GULP1: variants seen among roughly 807,000 people sequenced by gnomAD.
GULP1 encodes the protein GULP PTB domain containing engulfment adaptor 1, also known as PTB domain-containing engulfment adapter protein 1.
Under a neutral mutation model 40.9 loss-of-function variants are expected in GULP1, and 19 were observed. That is an observed-to-expected ratio of 0.46 (90% CI 0.32 to 0.68). The LOEUF is 0.68. Ranked by LOEUF, GULP1 falls within the 30% of genes least tolerant of loss-of-function variation. The pLI is 0.03. For synonymous variants in GULP1, 119 were observed against 117.6 expected (o/e 1.01, Z -0.08); for missense variants, 312 against 362.2 (o/e 0.86, Z 1.12).
At chr2:188,364,928 G>GTATA (rs34653781) in intron 1 of GULP1, among the ~76,000 whole-genome samples, 100 of 148,486 alleles carry the variant, frequency 6.7e-4, no homozygotes, top group South Asian at 2.1e-3. Context: ...ATATATATGT[G>GTATA]TATATATATA....
At chr2:188,551,203 C>T (rs1050661238) in intron 7 of GULP1, among the ~76,000 whole-genome samples, 1 of 151,488 alleles carries the variant, frequency 6.6e-6, no homozygotes, top group Admixed American at 6.6e-5. Flanking sequence ...GAGGGCATCA[C>T]CTGAGTACAA....
intron 9 of GULP1, among the ~76,000 whole-genome samples, chr2:188,583,521 T>C (rs1701743431): frequency 6.6e-6 from 1 of 152,170 alleles, no homozygotes; most frequent in South Asian, 2.1e-4. Context: ...AAGTGATAAA[T>C]GTCTAATTTT....
intron 2 of GULP1, among the ~76,000 whole-genome samples, chr2:188,466,300 C>T (rs963044939): frequency 2.6e-5 from 4 of 151,566 alleles, no homozygotes; most frequent in African/African-American, 4.9e-5. Flanking sequence ...TTTCCCCCCC[C>T]GGAGTCTTGC....
At chr2:188,295,332 T>G (rs2034673294) in intron 1 of GULP1, among the ~76,000 whole-genome samples, 1 of 152,172 alleles carries the variant, frequency 6.6e-6, no homozygotes, top group Admixed American at 6.5e-5. Context: ...CAATGTTTGT[T>G]GCATGCATAT....
intron 2 of GULP1, among the ~76,000 whole-genome samples, chr2:188,400,923 TTGTGTGTGTGTGTGTG>T (rs61060931): frequency 1.6e-4 from 22 of 139,632 alleles, no homozygotes; most frequent in South Asian, 4.6e-4. Flanking sequence ...AGTGGTGTGT[TTGTGTGTGTGTGTGTG>T]TGTGTGTGTG....
At chr2:188,309,330 G>T (rs766375152) in intron 1 of GULP1, among the ~76,000 whole-genome samples, 1 of 152,062 alleles carries the variant, frequency 6.6e-6, no homozygotes, top group African/African-American at 2.4e-5. Context: ...GCCTGGCATG[G>T]GGATGTGCAC....
At chr2:188,341,294 G>A (rs958461731) in intron 1 of GULP1, among the ~76,000 whole-genome samples, 4 of 152,076 alleles carry the variant, frequency 2.6e-5, no homozygotes, top group African/African-American at 9.7e-5. Context: ...CAGAGAGGAT[G>A]GGAAGGTGCC....
At position 188,578,625 on chromosome 2, in the gene GULP1, T is replaced by A. The variant is rs975374063; in HGVS notation, c.610-5640T>A. Among the ~76,000 whole-genome samples, 21 of 152,130 alleles carry A rather than the reference T, an allele frequency of 1.4e-4. 1 individual carries two copies. Among genetic ancestry groups the A allele is most frequent in the Admixed American group, 5.2e-4 (8 of 15,258 alleles). The stretch of plus-strand genomic sequence containing the variant: ...TCATTATTAATATATCTGAATAACC[T>A]AACAACTTCTGTATAATTACCATAT... On this transcript the variant is annotated intron_variant, in intron 9 of 11. Coordinates refer to ENST00000409830, the MANE Select transcript of GULP1 (RefSeq NM_016315.4).
intron 2 of GULP1, among the ~76,000 whole-genome samples, chr2:188,389,846 C>A (rs530948924): frequency 6.6e-6 from 1 of 152,078 alleles, no homozygotes; most frequent in African/African-American, 2.4e-5. Flanking sequence ...ATACCCATAG[C>A]TTAGCCAAGC....
intron 1 of GULP1, among the ~76,000 whole-genome samples, chr2:188,315,727 C>T (rs1255465307): frequency 2.0e-5 from 3 of 151,850 alleles, no homozygotes; most frequent in Non-Finnish European, 2.9e-5. Flanking sequence ...CCTGTACATA[C>T]CAATCTATGA....
chr2:188,392,808 A>G (rs1233407407), intron 2 of GULP1, among the ~76,000 whole-genome samples: 1 of 152,038 alleles, frequency 6.6e-6, no homozygotes, highest in Admixed American at 6.6e-5. Flanking sequence ...CATTTCAAAG[A>G]TTTTTGAAAT....
chr2:188,476,736 G>A lies in GULP1; in HGVS notation c.-44-923G>A, dbSNP rs200703520. ...AATATTCTGTTGCTAGAGCAGCAAA[G>A]TTATTTCTGAGTGTTGTATCAGTAA... On this transcript the variant is annotated intron_variant, in intron 2 of 11. Coordinates refer to ENST00000409830, the MANE Select transcript of GULP1 (RefSeq NM_016315.4). Among the ~76,000 whole-genome samples the A allele has an allele frequency of 3.9e-5, 6 of 152,054 alleles. No individual in the cohort carries two copies. In the East Asian group the frequency reaches 1.2e-3, roughly 29 times the overall value.
chr2:188,430,050 A>T (rs1359413199), intron 2 of GULP1, among the ~76,000 whole-genome samples: 1 of 152,194 alleles, frequency 6.6e-6, no homozygotes, highest in Non-Finnish European at 1.5e-5. Flanking sequence ...GTTAATTTTT[A>T]TAATTTTAAT....
intron 7 of GULP1, 55 bp from the exon 8 acceptor site, chr2:188,569,184 C>A: frequency 1.1e-6 from 1 of 911,062 alleles, no homozygotes; most frequent in South Asian, 1.3e-5. Context: ...TTTCTCGATT[C>A]AAAAACAGTT....
At chr2:188,545,526 A>G (rs578233139) in intron 7 of GULP1, among the ~76,000 whole-genome samples, 2 of 151,948 alleles carry the variant, frequency 1.3e-5, no homozygotes, top group Non-Finnish European at 2.9e-5. Flanking sequence ...CTGGGTAACT[A>G]TGATAAGTTA....
At chr2:188,462,509 T>G (rs1191281722) in intron 2 of GULP1, among the ~76,000 whole-genome samples, 2 of 152,180 alleles carry the variant, frequency 1.3e-5, no homozygotes, top group South Asian at 4.1e-4. Context: ...CCAGTGCTTA[T>G]AGTGGGGCGT....
chr2:188,425,776 C>A (rs2056109778), intron 2 of GULP1, among the ~76,000 whole-genome samples: 1 of 152,092 alleles, frequency 6.6e-6, no homozygotes, highest in African/African-American at 2.4e-5. Flanking sequence ...TTTTTGTCTT[C>A]ATGATGTATC....
intron 7 of GULP1, among the ~76,000 whole-genome samples, chr2:188,563,365 A>G (rs1340851358): frequency 6.6e-6 from 1 of 151,590 alleles, no homozygotes; most frequent in Non-Finnish European, 1.5e-5. Context: ...AAAGATAAAT[A>G]TTATATAACT....
intron 1 of GULP1, among the ~76,000 whole-genome samples, chr2:188,361,363 A>G (rs1415031249): frequency 6.6e-6 from 1 of 152,006 alleles, no homozygotes; most frequent in Non-Finnish European, 1.5e-5. Context: ...AGGCACAGCA[A>G]GAAGATTTAT....
Sources: gnomAD v4.1 joint callset for allele counts (sites outside exome capture counted in the v4.1 genomes callset) on GRCh38, gnomAD v4.1.1 for gene constraint, MANE v1.5 for transcripts, NCBI Gene and HGNC (gene_info 2026-07-23, HGNC 2026-07-21) for gene names.